The following GRIK2 variants were observed in gnomAD, a reference collection of about 807,000 sequenced individuals.
GRIK2 encodes the protein glutamate ionotropic receptor kainate type subunit 2.
Under a neutral mutation model 100.3 loss-of-function variants are expected in GRIK2, and 32 were observed. The observed-to-expected ratio is 0.32, with a 90% CI of 0.24 to 0.43. The LOEUF (loss-of-function observed/expected upper bound fraction) is 0.43. Among genes scored for constraint, GRIK2 ranks in the 20% least tolerant of loss-of-function variants. The pLI is 1.00. For missense variants in GRIK2, 843 were observed against 1,114.9 expected (o/e 0.76, Z 3.47); for synonymous variants, 417 against 389.4 (o/e 1.07, Z -0.83).
intron 10 of GRIK2, among the ~76,000 whole-genome samples, chr6:101,850,340 G>GT (rs1222117932): frequency 6.6e-6 from 1 of 151,960 alleles, no homozygotes; most frequent in Non-Finnish European, 1.5e-5. Flanking sequence ...TAAGAGTTCA[G>GT]TGTATGCTTG....
chr6:101,893,717 A>G (rs1787254619), intron 12 of GRIK2, among the ~76,000 whole-genome samples: 1 of 151,728 alleles, frequency 6.6e-6, no homozygotes, highest in South Asian at 2.1e-4. Flanking sequence ...TAAAATATTA[A>G]ACATTTATTT....
intron 12 of GRIK2, among the ~76,000 whole-genome samples, chr6:101,905,389 G>C (rs1788151198): frequency 6.6e-6 from 1 of 151,550 alleles, no homozygotes; most frequent in Non-Finnish European, 1.5e-5. Context: ...TTATAGCTTA[G>C]TTTTAGCTTA....
At chr6:101,755,600 C>T (rs970769182) in intron 7 of GRIK2, among the ~76,000 whole-genome samples, 2 of 152,126 alleles carry the variant, frequency 1.3e-5, no homozygotes, top group African/African-American at 4.8e-5. Flanking sequence ...TGAGTTCCAT[C>T]TTCCAGATAA....
intron 7 of GRIK2, among the ~76,000 whole-genome samples, chr6:101,708,576 G>A (rs1437522728): frequency 6.6e-6 from 1 of 151,198 alleles, no homozygotes; most frequent in Non-Finnish European, 1.5e-5. Flanking sequence ...TACAATATAT[G>A]GGCATATGCT....
intron 11 of GRIK2, among the ~76,000 whole-genome samples, chr6:101,888,494 C>G (rs1786815615): frequency 6.6e-6 from 1 of 152,014 alleles, no homozygotes; most frequent in Non-Finnish European, 1.5e-5. Context: ...ATGATGCTCT[C>G]CCCCAGAATT....
At chr6:101,432,775 C>G (rs1769481179) in intron 2 of GRIK2, among the ~76,000 whole-genome samples, 1 of 152,142 alleles carries the variant, frequency 6.6e-6, no homozygotes, top group African/African-American at 2.4e-5. Flanking sequence ...CAATAGTGAC[C>G]ATATAAGCTA....
At chr6:101,705,913 TAAA>T (rs1466692937) in intron 7 of GRIK2, among the ~76,000 whole-genome samples, 1 of 151,914 alleles carries the variant, frequency 6.6e-6, no homozygotes, top group East Asian at 1.9e-4. Flanking sequence ...TCAGCAATGT[TAAA>T]AAATATGTAA....
chr6:101,488,698 C>T (rs1772952193), intron 2 of GRIK2, among the ~76,000 whole-genome samples: 1 of 146,502 alleles, frequency 6.8e-6, no homozygotes, highest in African/African-American at 2.6e-5. Flanking sequence ...CAAATTGTAT[C>T]TAAATTATTT....
chr6:101,947,304 T>A (rs1326323960), intron 14 of GRIK2, among the ~76,000 whole-genome samples: 1 of 152,152 alleles, frequency 6.6e-6, no homozygotes, highest in East Asian at 1.9e-4. Flanking sequence ...GAATTTTTAA[T>A]GAGGGAAATA....
chr6:101,958,703 A>G (rs1792100116), intron 14 of GRIK2, among the ~76,000 whole-genome samples: 1 of 152,026 alleles, frequency 6.6e-6, no homozygotes, highest in Admixed American at 6.6e-5. Flanking sequence ...AGTTTATATG[A>G]TACCTGGTGT....
At chr6:101,905,704 T>C (rs1472763009) in intron 12 of GRIK2, among the ~76,000 whole-genome samples, 1 of 151,438 alleles carries the variant, frequency 6.6e-6, no homozygotes, top group Non-Finnish European at 1.5e-5. Flanking sequence ...TACCTACCTA[T>C]TTCTATTCAT....
intron 14 of GRIK2, among the ~76,000 whole-genome samples, chr6:101,998,812 C>CTTTTTTTTTTTTTTTTTTTTT (rs755522043): frequency 9.1e-6 from 1 of 110,062 alleles, no homozygotes; most frequent in Non-Finnish European, 1.8e-5. Flanking sequence ...TTTTTCTTTT[C>CTTTTTTTTTTTTTTTTTTTTT]TTTTTTTTTT....
chr6:101,849,867 A>AG (rs1261672355), intron 10 of GRIK2, among the ~76,000 whole-genome samples: 2 of 146,554 alleles, frequency 1.4e-5, no homozygotes, highest in Non-Finnish European at 3.0e-5. Flanking sequence ...TTAAGGAAAA[A>AG]AAAAGGCACC....
intron 7 of GRIK2, among the ~76,000 whole-genome samples, chr6:101,731,882 C>G (rs1775297169): frequency 6.6e-6 from 1 of 151,894 alleles, no homozygotes; most frequent in African/African-American, 2.4e-5. Flanking sequence ...CTTGGCCTGC[C>G]AAGACCAAGA....
At chr6:101,974,114 T>A (rs1793225610) in intron 14 of GRIK2, among the ~76,000 whole-genome samples, 1 of 151,968 alleles carries the variant, frequency 6.6e-6, no homozygotes, top group South Asian at 2.1e-4. Flanking sequence ...ATCTAACTGG[T>A]TATGTCTAGG....
chr6:101,695,319 T>C (rs1772401418), intron 7 of GRIK2, among the ~76,000 whole-genome samples: 1 of 152,098 alleles, frequency 6.6e-6, no homozygotes, highest in African/African-American at 2.4e-5. Context: ...AGCTCTTTTA[T>C]AATGTTGCTA....
chr6:101,940,301 A>G (rs1484056699), intron 14 of GRIK2, among the ~76,000 whole-genome samples: 6 of 152,068 alleles, frequency 3.9e-5, no homozygotes, highest in African/African-American at 1.4e-4. Context: ...TACTTTCAGG[A>G]CTGCTGTTTC....
rs149411378 is a variant in GRIK2 at position 102,032,206 on chromosome 6, G to A, written c.2086-3135G>A. The stretch of plus-strand genomic sequence containing the variant: ...ACCTTTCCACAGAGACTGGAAGATA[G>A]AGATGCCTCCTTCCTTGATGATTAC... On this transcript the variant is annotated intron_variant, in intron 14 of 16. Coordinates refer to ENST00000369134, the MANE Select transcript of GRIK2 (RefSeq NM_021956.5). 2.9e-4 allele frequency among the ~76,000 whole-genome samples: 44 copies of A among 151,406 alleles called. No individual in the cohort carries two copies. The East Asian group carries it at 4.1e-3, about 14-fold the overall frequency.
chr6:102,021,017 A>G (rs1769394019), intron 14 of GRIK2, among the ~76,000 whole-genome samples: 1 of 151,806 alleles, frequency 6.6e-6, no homozygotes, highest in South Asian at 2.1e-4. Flanking sequence ...ATAGAAAACT[A>G]TGTGCTTCCT....
Sources: gnomAD v4.1 joint callset for allele counts (sites outside exome capture counted in the v4.1 genomes callset) on GRCh38, gnomAD v4.1.1 for gene constraint, MANE v1.5 for transcripts, NCBI Gene and HGNC (gene_info 2026-07-23, HGNC 2026-07-21) for gene names.